Variants in ATRNL1 observed in about 807,000 individuals in gnomAD.
ATRNL1 encodes attractin like 1.
In ATRNL1, 95 loss-of-function variants were observed where a neutral mutation model predicts 182.7. The ratio of observed to expected loss-of-function variants is 0.52; its 90% CI spans 0.44 to 0.62. The LOEUF (loss-of-function observed/expected upper bound fraction) is 0.62, where lower values mean the gene tolerates loss of function less well. ATRNL1 is among the 20% of genes least tolerant of loss of function. The pLI, the probability that ATRNL1 is intolerant of heterozygous loss-of-function variation, is 0.00. For missense variants in ATRNL1, 1,471 were observed against 1,679.5 expected, an observed-to-expected ratio of 0.88 and a Z score of 2.17; for synonymous variants, 576 against 568.3, an observed-to-expected ratio of 1.01 and a Z score of -0.19.
intron 9 of ATRNL1, among the ~76,000 whole-genome samples, chr10:115,228,630 C>T (rs782315899): frequency 4.6e-5 from 7 of 152,064 alleles, no homozygotes; most frequent in Non-Finnish European, 1.0e-4. Context: ...TGTGAAAAAG[C>T]ACAGTAAGTT....
At chr10:115,096,722 G>A (rs1469475628) in intron 1 of ATRNL1, 1 of 1,287,638 alleles carries the variant, frequency 7.8e-7, no homozygotes, top group African/African-American at 1.5e-5. Context: ...AAGAAATGCA[G>A]AAGCAAATAT....
At chr10:115,872,999 G>T (rs1336377904) in intron 28 of ATRNL1, among the ~76,000 whole-genome samples, 1 of 152,168 alleles carries the variant, frequency 6.6e-6, no homozygotes, top group East Asian at 1.9e-4. Flanking sequence ...AGATCTTTCC[G>T]ATCATATTTC....
At position 115,407,986 on chromosome 10, in the gene ATRNL1, T is replaced by C. The variant is rs1222747329; in HGVS notation, c.3269+13234T>C. Reference sequence around the variant, plus strand: ...TCTTTGTGGTTTTGATTTGCATTTCTTTTTTTTTTTTTTTTTTTTTTTTTT... The same window carrying C: ...TCTTTGTGGTTTTGATTTGCATTTCCTTTTTTTTTTTTTTTTTTTTTTTTT... On this transcript the variant is annotated intron_variant, in intron 20 of 28. Transcript: ENST00000355044. 8.1e-3 allele frequency among the ~76,000 whole-genome samples: 358 copies of C among 44,122 alleles called. 2 individuals carry two copies. Among genetic ancestry groups the C allele is most frequent in the African/African-American group, 0.047 (334 of 7,126 alleles). The allele number at this position is 44,122 out of a possible 152,430, so 28.9% of individuals were successfully genotyped here.
At position 115,290,214 on chromosome 10, in the gene ATRNL1, T is replaced by C. The variant is rs996188153; in HGVS notation, c.2415+3817T>C. ...GCTACCGACTTTTGTGTGTTGATTT[T>C]GTAACCTGAAACTTTGCTGAATTAG... On this transcript the variant is annotated intron_variant, in intron 15 of 28. Transcript: ENST00000355044. Among the ~76,000 whole-genome samples the C allele has an allele frequency of 7.2e-5, 11 of 152,314 alleles. No individual in the cohort carries two copies. In the South Asian group the frequency reaches 2.1e-3, roughly 29 times the overall value.
intron 26 of ATRNL1, among the ~76,000 whole-genome samples, chr10:115,587,501 A>G (rs1343512579): frequency 6.6e-6 from 1 of 151,742 alleles, no homozygotes; most frequent in Admixed American, 6.6e-5. Context: ...CGCAGTATTC[A>G]GGTGGGAGTG....
intron 17 of ATRNL1, among the ~76,000 whole-genome samples, chr10:115,306,140 T>A (rs1853716050): frequency 6.6e-6 from 1 of 151,962 alleles, no homozygotes; most frequent in Non-Finnish European, 1.5e-5. Context: ...TTTTTTACAA[T>A]TTTTTTTGGT....
chr10:115,744,890 T>C (rs1330725936), intron 27 of ATRNL1, among the ~76,000 whole-genome samples: 1 of 152,166 alleles, frequency 6.6e-6, no homozygotes, highest in Non-Finnish European at 1.5e-5. Flanking sequence ...AAGTAATATA[T>C]CTTAATTGTA....
intron 28 of ATRNL1, among the ~76,000 whole-genome samples, chr10:115,861,335 G>A (rs1951311763): frequency 6.6e-6 from 1 of 152,022 alleles, no homozygotes; most frequent in Non-Finnish European, 1.5e-5. Context: ...ATTTCTGTAG[G>A]GGCTAAATTG....
At chr10:115,888,857 C>G (rs1952013791) in intron 28 of ATRNL1, among the ~76,000 whole-genome samples, 1 of 152,170 alleles carries the variant, frequency 6.6e-6, no homozygotes, top group Non-Finnish European at 1.5e-5. Flanking sequence ...GCCTCCCAGT[C>G]TCTTAAATGA....
At chr10:115,578,522 A>G (rs1034279915) in intron 26 of ATRNL1, among the ~76,000 whole-genome samples, 2 of 151,396 alleles carry the variant, frequency 1.3e-5, no homozygotes, top group Admixed American at 1.3e-4. Context: ...AGATTATCCA[A>G]TTTCTTGGCA....
At chr10:115,601,546 A>C (rs1488985379) in intron 26 of ATRNL1, among the ~76,000 whole-genome samples, 2 of 152,064 alleles carry the variant, frequency 1.3e-5, no homozygotes, top group Non-Finnish European at 2.9e-5. Context: ...ATGTACTTTG[A>C]AGTTTTGCTA....
At chr10:115,673,744 A>G (rs1408525158) in intron 26 of ATRNL1, among the ~76,000 whole-genome samples, 1 of 152,066 alleles carries the variant, frequency 6.6e-6, no homozygotes, top group East Asian at 1.9e-4. Flanking sequence ...CCTTCCCCAT[A>G]AACAGGTAGT....
At chr10:115,107,083 C>T (rs565823065) in intron 1 of ATRNL1, among the ~76,000 whole-genome samples, 1 of 152,308 alleles carries the variant, frequency 6.6e-6, no homozygotes. Flanking sequence ...TTAATGCCCT[C>T]ATGGTTTAAT....
At chr10:115,196,413 C>T (rs552077694) in intron 8 of ATRNL1, among the ~76,000 whole-genome samples, 181 of 152,084 alleles carry the variant, frequency 1.2e-3, no homozygotes, top group African/African-American at 4.1e-3. Context: ...TTGAGCTATT[C>T]TAGGTCCTTC....
In ATRNL1 at chr10:115,920,739, C is replaced by T. The variant is rs79212491; in HGVS notation, c.4019-23919C>T. Reference sequence around the variant, plus strand: ...CAACAATCACCTTCACAGCATTAGACGGAACCATTAATGAAAGCAGGAGCT... The same window carrying T: ...CAACAATCACCTTCACAGCATTAGATGGAACCATTAATGAAAGCAGGAGCT... On this transcript the variant is annotated intron_variant, in intron 28 of 28. Transcript: ENST00000355044. 9.9e-3 allele frequency among the ~76,000 whole-genome samples: 1,510 copies of T among 152,238 alleles called. 30 individuals carry two copies. Among genetic ancestry groups the T allele is most frequent in the African/African-American group, 0.034 (1,420 of 41,534 alleles).
intron 26 of ATRNL1, among the ~76,000 whole-genome samples, chr10:115,656,243 T>C (rs1228330673): frequency 1.3e-5 from 2 of 152,220 alleles, no homozygotes; most frequent in African/African-American, 2.4e-5. Context: ...ATGACTTATA[T>C]ATATAGCTCC....
At chr10:115,847,791 C>T in intron 27 of ATRNL1, 86 bp from the exon 28 acceptor site, 1 of 742,344 alleles carries the variant, frequency 1.3e-6, no homozygotes, top group South Asian at 1.5e-5. Context: ...ATGTACAGCA[C>T]AGCTACCTAA....
intron 27 of ATRNL1, among the ~76,000 whole-genome samples, chr10:115,767,743 C>T (rs1948892799): frequency 6.6e-6 from 1 of 152,114 alleles, no homozygotes; most frequent in South Asian, 2.1e-4. Flanking sequence ...TATAGCTCAG[C>T]TTACTCTAAT....
intron 27 of ATRNL1, among the ~76,000 whole-genome samples, chr10:115,830,415 T>C (rs1950533531): frequency 1.3e-5 from 2 of 152,282 alleles, no homozygotes; most frequent in South Asian, 4.1e-4. Context: ...ATGGCTACAG[T>C]ATCTTGCACA....
Sources: gnomAD v4.1 joint callset for allele counts (sites outside exome capture counted in the v4.1 genomes callset) on GRCh38, gnomAD v4.1.1 for gene constraint, MANE v1.5 for transcripts, NCBI Gene and HGNC (gene_info 2026-07-23, HGNC 2026-07-21) for gene names.